Variants in DRICH1 observed in about 807,000 individuals in gnomAD.
DRICH1 encodes the protein aspartate rich 1.
Under a neutral mutation model 39.5 loss-of-function variants are expected in DRICH1, and 38 were observed. The observed-to-expected ratio is 0.96, with a 90% CI of 0.74 to 1.26. The LOEUF (loss-of-function observed/expected upper bound fraction) is 1.26, where lower values mean the gene tolerates loss of function less well. Among genes scored for constraint, DRICH1 ranks in the 50% most tolerant of loss-of-function variants. The probability of loss-of-function intolerance (pLI) is 0.00; values close to 1 mark genes in which losing one functional copy is unlikely to be tolerated. For synonymous variants in DRICH1, 84 were observed against 99.5 expected (o/e 0.84, Z 0.93); for missense variants, 279 against 270.4 (o/e 1.03, Z -0.22).
downstream of DRICH1, among the ~76,000 whole-genome samples, chr22:23,604,556 G>GA (rs1926630937): frequency 6.6e-6 from 1 of 152,092 alleles, no homozygotes; most frequent in South Asian, 2.1e-4. Flanking sequence ...AGGACACTGA[G>GA]ACCCTGGTCT....
the DRICH1 span, among the ~76,000 whole-genome samples, chr22:23,596,422 ATTT>A: frequency 5.1e-5 from 3 of 58,958 alleles, no homozygotes; most frequent in Non-Finnish European, 4.4e-5. Flanking sequence ...ACCCCCGTTT[ATTT>A]TTATTTTTAT....
chr22:23,624,300 A>G, intron 3 of DRICH1: 15 of 985,334 alleles, frequency 1.5e-5, no homozygotes, highest in Non-Finnish European at 1.7e-5. Flanking sequence ...GGCAGAAAAG[A>G]GCAGGTGTTC....
the DRICH1 span, among the ~76,000 whole-genome samples, chr22:23,599,190 T>G: frequency 6.6e-6 from 1 of 152,204 alleles, no homozygotes; most frequent in South Asian, 2.1e-4. Flanking sequence ...TCAGGGCCTT[T>G]ATTCTCAGCC....
chr22:23,611,045 C>T (rs1216168045), intron 11 of DRICH1, among the ~76,000 whole-genome samples: 1 of 152,146 alleles, frequency 6.6e-6, no homozygotes, highest in Non-Finnish European at 1.5e-5. Flanking sequence ...CCAAGAGCTT[C>T]TCCTTCCAAG....
At chr22:23,606,234 A>C (rs374105168), downstream of DRICH1, among the ~76,000 whole-genome samples, 1 of 151,964 alleles carries the variant, frequency 6.6e-6, no homozygotes, top group Non-Finnish European at 1.5e-5. Context: ...TCCACATTCC[A>C]TAAAATCTCT....
chr22:23,587,071 G>A, the DRICH1 span, among the ~76,000 whole-genome samples: 7 of 152,242 alleles, frequency 4.6e-5, no homozygotes, highest in South Asian at 2.1e-4. Context: ...TGCCCTTATC[G>A]TGCAAGAGTC....
the DRICH1 span, among the ~76,000 whole-genome samples, chr22:23,593,395 G>A: frequency 6.6e-6 from 1 of 152,190 alleles, no homozygotes; most frequent in African/African-American, 2.4e-5. Context: ...CGGGTGCGGT[G>A]GCTCATGCCT....
chr22:23,592,397 G>A, the DRICH1 span, among the ~76,000 whole-genome samples: 7 of 152,276 alleles, frequency 4.6e-5, no homozygotes, highest in African/African-American at 1.2e-4. Flanking sequence ...AAGACTGGGG[G>A]GGGGCGGTCC....
At chr22:23,592,839 C>CAA in the DRICH1 span, among the ~76,000 whole-genome samples, 1 of 51,332 alleles carries the variant, frequency 1.9e-5, no homozygotes, top group Non-Finnish European at 4.0e-5. Context: ...TAAAAATACA[C>CAA]ACACACACAC....
At chr22:23,586,469 A>G in the DRICH1 span, among the ~76,000 whole-genome samples, 2 of 152,216 alleles carry the variant, frequency 1.3e-5, no homozygotes, top group African/African-American at 4.8e-5. Context: ...AGCCTGGGCA[A>G]CAGTGTGAGA....
At chr22:23,618,364 T>A (rs766810205) in intron 6 of DRICH1, among the ~76,000 whole-genome samples, 13 of 152,062 alleles carry the variant, frequency 8.5e-5, no homozygotes, top group Non-Finnish European at 4.4e-5. Flanking sequence ...TCCACCCACC[T>A]CGGCCTCCCA....
At chr22:23,582,780 C>T in the DRICH1 span, among the ~76,000 whole-genome samples, 4 of 151,958 alleles carry the variant, frequency 2.6e-5, no homozygotes, top group African/African-American at 7.3e-5. Flanking sequence ...AGGCTGGTCC[C>T]GAACTCCTGA....
the DRICH1 span, among the ~76,000 whole-genome samples, chr22:23,590,123 C>T: frequency 8.5e-5 from 13 of 152,200 alleles, no homozygotes; most frequent in Admixed American, 2.6e-4. Flanking sequence ...GCTGTGTGGA[C>T]GGGAAGCACC....
the DRICH1 span, among the ~76,000 whole-genome samples, chr22:23,582,852 T>C: frequency 3.6e-5 from 5 of 138,286 alleles, no homozygotes; most frequent in South Asian, 1.2e-3. Flanking sequence ...TGAGCCATCG[T>C]GCCCGGCCAA....
chr22:23,589,462 C>CA, the DRICH1 span, among the ~76,000 whole-genome samples: 2 of 148,952 alleles, frequency 1.3e-5, no homozygotes, highest in South Asian at 2.1e-4. Flanking sequence ...AAAAAAAACC[C>CA]AAAAAACATA....
the DRICH1 span, among the ~76,000 whole-genome samples, chr22:23,586,283 G>A: frequency 2.0e-5 from 3 of 152,220 alleles, no homozygotes; most frequent in South Asian, 6.2e-4. Flanking sequence ...GAGCCCAGGA[G>A]TTTGAAACCA....
At chr22:23,582,568 T>TTA in the DRICH1 span, among the ~76,000 whole-genome samples, 1 of 145,992 alleles carries the variant, frequency 6.8e-6, no homozygotes, top group East Asian at 2.0e-4. Context: ...ATTATTATTA[T>TTA]TATTATTATT....
intron 1 of DRICH1, among the ~76,000 whole-genome samples, chr22:23,626,925 T>TG (rs1296896672): frequency 6.6e-6 from 1 of 152,102 alleles, no homozygotes; most frequent in Admixed American, 6.5e-5. Context: ...GTGCACGCTT[T>TG]GAGTTACAGG....
At chr22:23,604,836 A>C (rs1355889717), downstream of DRICH1, among the ~76,000 whole-genome samples, 1 of 152,164 alleles carries the variant, frequency 6.6e-6, no homozygotes, top group African/African-American at 2.4e-5. Flanking sequence ...TGACTTTCTC[A>C]ATCACTAGAG....
Sources: gnomAD v4.1 joint callset for allele counts (sites outside exome capture counted in the v4.1 genomes callset) on GRCh38, gnomAD v4.1.1 for gene constraint, MANE v1.5 for transcripts, NCBI Gene and HGNC (gene_info 2026-07-23, HGNC 2026-07-21) for gene names.